Variants in FER observed in about 807,000 individuals in gnomAD.
FER encodes the protein FER tyrosine kinase.
FER carries 63 observed loss-of-function variants against 111.0 expected under a neutral mutation model. The observed-to-expected ratio is 0.57, with a 90% CI of 0.46 to 0.70. FER has a LOEUF of 0.70. FER is among the 30% of genes least tolerant of loss of function. FER has a pLI of 0.00. For missense variants in FER, 914 were observed against 954.0 expected (o/e 0.96, Z 0.55); for synonymous variants, 327 against 313.9 (o/e 1.04, Z -0.44).
intron 16 of FER, among the ~76,000 whole-genome samples, chr5:109,083,808 A>G (rs918432061): frequency 3.3e-5 from 5 of 152,036 alleles, no homozygotes; most frequent in Non-Finnish European, 5.9e-5. Flanking sequence ...AATGGCAGGC[A>G]TCCCAGACTC....
intron 10 of FER, among the ~76,000 whole-genome samples, chr5:108,925,941 A>G (rs1463266832): frequency 6.6e-6 from 1 of 152,014 alleles, no homozygotes; most frequent in Non-Finnish European, 1.5e-5. Context: ...GCCTGAGGTA[A>G]TTAATGACTC....
intron 17 of FER, among the ~76,000 whole-genome samples, chr5:109,170,943 C>T (rs1292473884): frequency 6.6e-6 from 1 of 152,150 alleles, no homozygotes; most frequent in East Asian, 1.9e-4. Context: ...TTGAAAGGGT[C>T]ATATGCTAGC....
intron 16 of FER, among the ~76,000 whole-genome samples, chr5:109,058,724 CTTTTTTT>C (rs746184286): frequency 2.9e-4 from 22 of 76,248 alleles, no homozygotes; most frequent in Admixed American, 2.2e-3. Context: ...TTCTTTCTTT[CTTTTTTT>C]TTTTTTTTTT....
chr5:108,964,023 A>G (rs897157499), intron 13 of FER, among the ~76,000 whole-genome samples: 12 of 152,254 alleles, frequency 7.9e-5, no homozygotes, highest in African/African-American at 2.9e-4. Flanking sequence ...CCTTTTCCTT[A>G]AGTCTATATC....
intron 1 of FER, among the ~76,000 whole-genome samples, chr5:108,765,694 C>T (rs187220289): frequency 6.6e-6 from 1 of 152,096 alleles, no homozygotes; most frequent in Non-Finnish European, 1.5e-5. Flanking sequence ...GAGACTAGAA[C>T]AGGGAATTCT....
Position 109,180,787 on chromosome 5 carries a change from G to A in FER, c.2089G>A (p.Val697Ile). ...AAACTGCCTGGTAGGTGAAAATAAT[G>A]TTCTGAAAATCAGTGACTTTGGAAT... is the stretch of plus-strand genomic sequence containing the variant. The part of the protein sequence containing the change: ...ARNCLVGENN[V>I]LKISDFGMSR... The change falls in exon 18 of 20, where the codon GTT (valine) becomes ATT (isoleucine). Residue 697 changes from valine to isoleucine, a missense_variant. Physicochemically the swap from Val to Ile is conservative, Grantham distance 29 (BLOSUM62 3). Transcript: ENST00000281092. 1.2e-6 allele frequency: 2 copies of A among 1,613,390 alleles called. No homozygotes were observed. Among genetic ancestry groups the A allele is most frequent in the East Asian group, 4.5e-5 (2 of 44,816 alleles).
At chr5:108,848,621 A>G (rs763403133) in intron 5 of FER, among the ~76,000 whole-genome samples, 1 of 151,998 alleles carries the variant, frequency 6.6e-6, no homozygotes, top group African/African-American at 2.4e-5. Flanking sequence ...TCTTTGTGCT[A>G]TTATTGTGAT....
intron 5 of FER, among the ~76,000 whole-genome samples, chr5:108,861,437 G>T (rs954869796): frequency 1.3e-5 from 2 of 152,132 alleles, no homozygotes; most frequent in Non-Finnish European, 2.9e-5. Flanking sequence ...TTGTCAACAA[G>T]TTGTGGCAAA....
chr5:108,924,923 T>C (rs1375785267), intron 10 of FER: 2 of 670,290 alleles, frequency 3.0e-6, no homozygotes, highest in African/African-American at 1.9e-5. Context: ...AATCTGGTGG[T>C]AAACAAAATT....
intron 16 of FER, among the ~76,000 whole-genome samples, chr5:109,097,641 A>G (rs1747705145): frequency 6.6e-6 from 1 of 151,934 alleles, no homozygotes; most frequent in Non-Finnish European, 1.5e-5. Context: ...AACACTAAAG[A>G]CTATGTCATC....
intron 17 of FER, among the ~76,000 whole-genome samples, chr5:109,152,803 C>T (rs984916090): frequency 4.6e-5 from 7 of 151,896 alleles, no homozygotes; most frequent in African/African-American, 1.7e-4. Flanking sequence ...AATGTGGAAC[C>T]TGTAGTTTTA....
chr5:108,839,051 C>A (rs1376943034), intron 5 of FER, among the ~76,000 whole-genome samples: 1 of 151,924 alleles, frequency 6.6e-6, no homozygotes, highest in East Asian at 1.9e-4. Context: ...TACAAATACC[C>A]TTTGATACAA....
intron 13 of FER, among the ~76,000 whole-genome samples, chr5:108,995,284 T>C (rs557371245): frequency 1.3e-5 from 2 of 152,290 alleles, no homozygotes; most frequent in South Asian, 2.1e-4. Flanking sequence ...TTAATTATTA[T>C]ACTTTAAGTT....
At chr5:109,083,602 G>A (rs1283875953) in intron 16 of FER, among the ~76,000 whole-genome samples, 2 of 152,034 alleles carry the variant, frequency 1.3e-5, no homozygotes, top group East Asian at 3.9e-4. Context: ...ACTTTTTGTT[G>A]GAAAATGTGA....
chr5:108,781,254 G>A (rs1754045775), intron 2 of FER, among the ~76,000 whole-genome samples: 1 of 152,122 alleles, frequency 6.6e-6, no homozygotes, highest in African/African-American at 2.4e-5. Flanking sequence ...GCAGTGGTAT[G>A]ATCTTGGCAT....
intron 5 of FER, among the ~76,000 whole-genome samples, chr5:108,859,022 G>A (rs1397916018): frequency 6.6e-6 from 1 of 152,010 alleles, no homozygotes; most frequent in Non-Finnish European, 1.5e-5. Context: ...CAAGAAGTGT[G>A]ATGGCTGGGT....
intron 11 of FER, among the ~76,000 whole-genome samples, chr5:108,949,101 G>A (rs72789309): frequency 0.13 from 20,483 of 151,976 alleles, 1,427 homozygotes; most frequent in Middle Eastern, 0.16. Context: ...AGATTTGCTT[G>A]CTTGCTTGCT....
chr5:109,054,787 T>C (rs1008765877), intron 16 of FER, among the ~76,000 whole-genome samples: 1 of 152,214 alleles, frequency 6.6e-6, no homozygotes, highest in African/African-American at 2.4e-5. Flanking sequence ...GTTAGAAGTT[T>C]ATATTTTTGG....
chr5:109,086,131 A>G (rs1777537763), intron 16 of FER, among the ~76,000 whole-genome samples: 1 of 151,742 alleles, frequency 6.6e-6, no homozygotes, highest in African/African-American at 2.4e-5. Context: ...TAAGTATTTT[A>G]TAGAATTTAC....
Sources: allele counts gnomAD v4.1 joint callset (sites outside exome capture counted in the v4.1 genomes callset), GRCh38; gene constraint gnomAD v4.1.1; transcripts MANE v1.5; gene names NCBI Gene and HGNC (gene_info 2026-07-23, HGNC 2026-07-21).